The following CECR2 variants were observed in gnomAD, a reference collection of about 807,000 sequenced individuals.
CECR2 encodes the protein CECR2 histone acetyl-lysine reader.
In CECR2, 30 loss-of-function variants were observed where a neutral mutation model predicts 154.5. The observed-to-expected ratio is 0.19, with a 90% CI of 0.15 to 0.26. The LOEUF is 0.26. CECR2 is among the 10% of genes least tolerant of loss of function. The pLI, the probability that CECR2 is intolerant of heterozygous loss-of-function variation, is 1.00. For synonymous variants in CECR2, 725 were observed against 683.7 expected (o/e 1.06, Z -0.94); for missense variants, 1,743 against 1,829.3 (o/e 0.95, Z 0.86).
In CECR2 at chr22:17,552,027, G is replaced by A. The variant is rs750957357; in HGVS notation, c.4278-4G>A. On this transcript the variant is annotated splice_polypyrimidine_tract_variant and splice_region_variant and intron_variant, in intron 17 of 18. Coordinates refer to ENST00000262608, the MANE Select transcript of CECR2 (RefSeq NM_001290047.2). ...TCTTCATTGCTTCTTTCTCGTGGCT[G>A]TAGAATGCAGATGCACCCGGTCCAG... 3.1e-6 allele frequency: 5 copies of A among 1,613,370 alleles called. No individual in the cohort carries two copies. In the African/African-American group the frequency reaches 5.3e-5, roughly 17 times the overall value.
chr22:17,481,791 C>G (rs1030647225), intron 2 of CECR2, among the ~76,000 whole-genome samples: 1 of 152,170 alleles, frequency 6.6e-6, no homozygotes, highest in Non-Finnish European at 1.5e-5. Context: ...CTGGTGTAAA[C>G]AAACCTAGTG....
intron 9 of CECR2, among the ~76,000 whole-genome samples, chr22:17,527,769 C>CAAAAAAAAAAAAAA (rs3079565): frequency 1.1e-5 from 1 of 89,912 alleles, no homozygotes; most frequent in Non-Finnish European, 2.4e-5. Flanking sequence ...GATTCTGTCT[C>CAAAAAAAAAAAAAA]AAAAAAAAAA....
At chr22:17,478,907 T>C (rs1253515926) in intron 2 of CECR2, among the ~76,000 whole-genome samples, 1 of 152,220 alleles carries the variant, frequency 6.6e-6, no homozygotes, top group Non-Finnish European at 1.5e-5. Flanking sequence ...AATATTTTCT[T>C]CCGTTCTCTA....
At chr22:17,481,394 T>C (rs969197523) in intron 2 of CECR2, among the ~76,000 whole-genome samples, 7 of 150,088 alleles carry the variant, frequency 4.7e-5, no homozygotes, top group South Asian at 2.1e-4. Flanking sequence ...ATAATTCGCC[T>C]CATCTATAAA....
chr22:17,463,521 A>G (rs1443942343), intron 1 of CECR2, among the ~76,000 whole-genome samples: 2 of 152,114 alleles, frequency 1.3e-5, no homozygotes, highest in Non-Finnish European at 2.9e-5. Flanking sequence ...AGGATTTGTT[A>G]ATTGACTAGA....
intron 1 of CECR2, among the ~76,000 whole-genome samples, chr22:17,372,308 A>C (rs997147940): frequency 1.3e-5 from 2 of 152,128 alleles, no homozygotes; most frequent in Admixed American, 6.6e-5. Context: ...TACGCTTTTT[A>C]GTAGTTATCA....
chr22:17,488,069 A>G (rs1033304610), intron 2 of CECR2, among the ~76,000 whole-genome samples: 5 of 152,020 alleles, frequency 3.3e-5, no homozygotes, highest in Non-Finnish European at 7.3e-5. Context: ...TTTAGTAGAG[A>G]CAGCGTTTCA....
intron 1 of CECR2, among the ~76,000 whole-genome samples, chr22:17,401,382 G>A (rs1394584695): frequency 1.3e-5 from 2 of 152,132 alleles, no homozygotes; most frequent in Non-Finnish European, 2.9e-5. Flanking sequence ...ACACACTAGT[G>A]AAACCATTAC....
At chr22:17,391,859 T>A (rs1774585272) in intron 1 of CECR2, among the ~76,000 whole-genome samples, 1 of 152,216 alleles carries the variant, frequency 6.6e-6, no homozygotes, top group South Asian at 2.1e-4. Flanking sequence ...GGGAGTACAG[T>A]GGCGCAATCT....
chr22:17,369,296 C>CCCGGGGGCGCG (rs1422627228), upstream of CECR2: 1 of 150,768 alleles, frequency 6.6e-6, no homozygotes, highest in Admixed American at 6.6e-5. Flanking sequence ...CGGATCTGGG[C>CCCGGGGGCGCG]CCGGGGGCGC....
chr22:17,373,259 T>C (rs1399448299), intron 1 of CECR2, among the ~76,000 whole-genome samples: 1 of 152,120 alleles, frequency 6.6e-6, no homozygotes, highest in Non-Finnish European at 1.5e-5. Context: ...CTTTTTACTC[T>C]ATTAATCAAC....
At chr22:17,529,233 A>AG (rs1452866442) in intron 9 of CECR2, among the ~76,000 whole-genome samples, 1 of 152,216 alleles carries the variant, frequency 6.6e-6, no homozygotes, top group Non-Finnish European at 1.5e-5. Context: ...CAGGAAGTCC[A>AG]GGGCGAGGCT....
intron 16 of CECR2, among the ~76,000 whole-genome samples, chr22:17,543,476 T>C (rs2056563544): frequency 6.6e-6 from 1 of 151,920 alleles, no homozygotes; most frequent in Non-Finnish European, 1.5e-5. Context: ...CCAATCACAG[T>C]CCTTCTCTTG....
chr22:17,448,524 A>G (rs569524167), intron 1 of CECR2, among the ~76,000 whole-genome samples: 9 of 152,248 alleles, frequency 5.9e-5, no homozygotes, highest in South Asian at 2.1e-4. Flanking sequence ...ATCTCATAGT[A>G]TTGCTGAGGA....
intron 1 of CECR2, among the ~76,000 whole-genome samples, chr22:17,475,679 A>G (rs1197066823): frequency 2.0e-5 from 3 of 152,098 alleles, no homozygotes; most frequent in African/African-American, 7.2e-5. Context: ...TTACCTATCA[A>G]ATGAGATTGG....
At chr22:17,389,608 G>T (rs979227345) in intron 1 of CECR2, among the ~76,000 whole-genome samples, 1 of 151,926 alleles carries the variant, frequency 6.6e-6, no homozygotes, top group Non-Finnish European at 1.5e-5. Context: ...GCCACGCCCA[G>T]CTCGGGGATA....
intron 2 of CECR2, 52 bp downstream of exon 2, chr22:17,477,734 C>A: frequency 1.6e-6 from 2 of 1,272,038 alleles, no homozygotes; most frequent in Non-Finnish European, 1.1e-6. Flanking sequence ...ACTAATTAAC[C>A]AACCATAGTG....
At chr22:17,496,809 C>T (rs530249463) in intron 2 of CECR2, among the ~76,000 whole-genome samples, 1 of 152,300 alleles carries the variant, frequency 6.6e-6, no homozygotes, top group Admixed American at 6.5e-5. Context: ...ATAACCTACA[C>T]ATTTGATTAT....
intron 1 of CECR2, among the ~76,000 whole-genome samples, chr22:17,429,551 C>CA (rs142777624): frequency 5.1e-5 from 7 of 138,026 alleles, no homozygotes; most frequent in African/African-American, 2.0e-4. Flanking sequence ...AAAACAAAAA[C>CA]AAAAACAAAG....
Sources: allele counts gnomAD v4.1 joint callset (sites outside exome capture counted in the v4.1 genomes callset), GRCh38; gene constraint gnomAD v4.1.1; transcripts MANE v1.5; gene names NCBI Gene and HGNC (gene_info 2026-07-23, HGNC 2026-07-21).